Variants in LYRM4 observed in about 807,000 individuals in gnomAD.
LYRM4 encodes the protein LYR motif containing 4, also known as LYR motif-containing protein 4.
In LYRM4, 9 loss-of-function variants were observed where a neutral mutation model predicts 11.7. The observed-to-expected ratio is 0.77, with a 90% CI of 0.46 to 1.34. The LOEUF (loss-of-function observed/expected upper bound fraction) is 1.34, where lower values mean the gene tolerates loss of function less well. LYRM4 is among the 40% of genes most tolerant of loss of function. LYRM4 has a pLI of 0.00. For synonymous variants in LYRM4, 42 were observed against 40.4 expected (o/e 1.04, Z -0.15); for missense variants, 133 against 112.5 (o/e 1.18, Z -0.82).
chr6:5,215,460 T>C (rs1762222414), intron 2 of LYRM4, among the ~76,000 whole-genome samples: 1 of 152,228 alleles, frequency 6.6e-6, no homozygotes, highest in South Asian at 2.1e-4. Context: ...TAGTTAGAGA[T>C]CATTTCCTAG....
At chr6:5,175,498 G>T (rs1300209129) in intron 2 of LYRM4, among the ~76,000 whole-genome samples, 1 of 152,108 alleles carries the variant, frequency 6.6e-6, no homozygotes, top group African/African-American at 2.4e-5. Flanking sequence ...ACTGGATTGA[G>T]GAAGGGATGG....
chr6:5,114,003 C>T (rs1232045238), intron 2 of LYRM4, among the ~76,000 whole-genome samples: 7 of 152,230 alleles, frequency 4.6e-5, no homozygotes, highest in Admixed American at 4.6e-4. Flanking sequence ...GGGGTCAGTG[C>T]ACATCTAGAA....
rs58536562 is a variant in LYRM4, at chr6:5,163,498, C to CT, written c.207+53119dup. 6.9e-3 allele frequency among the ~76,000 whole-genome samples: 962 copies of CT among 139,246 alleles called. 3 individuals are homozygous for CT. Among genetic ancestry groups the CT allele is most frequent in the African/African-American group, 0.015 (580 of 38,302 alleles). 91.4% of individuals were successfully genotyped at this position (139,246 alleles called of 152,430 possible). A position where few individuals can be genotyped will look rare whatever the true frequency, so the allele number is the denominator to read the frequency against. On this transcript the variant is annotated intron_variant, in intron 2 of 2. Transcript: ENST00000330636. ...GCATCTGGTGGCAGAAGCATTCCAA[C>CT]TTTTTTTTTTTTTTTTTAAGAATTC...
the LYRM4 span, among the ~76,000 whole-genome samples, chr6:5,036,330 T>G: frequency 6.6e-6 from 1 of 152,186 alleles, no homozygotes; most frequent in African/African-American, 2.4e-5. Flanking sequence ...TCTTCCAGGT[T>G]AGCCTAGGAG....
intron 2 of LYRM4, among the ~76,000 whole-genome samples, chr6:5,150,124 C>T (rs1475221216): frequency 1.3e-5 from 2 of 152,176 alleles, no homozygotes; most frequent in Admixed American, 6.5e-5. Context: ...AGTAATGCAC[C>T]GCAGCCCATC....
intron 2 of LYRM4, among the ~76,000 whole-genome samples, chr6:5,129,797 G>C (rs1266275701): frequency 6.6e-6 from 1 of 152,194 alleles, no homozygotes; most frequent in African/African-American, 2.4e-5. Context: ...TGTGGAAAAT[G>C]TGAAAATGTA....
the LYRM4 span, among the ~76,000 whole-genome samples, chr6:5,069,722 G>T: frequency 6.6e-6 from 1 of 151,998 alleles, no homozygotes; most frequent in African/African-American, 2.4e-5. Context: ...CTCATGATCC[G>T]CCTGCCTCAG....
At chr6:5,066,048 T>C in the LYRM4 span, 1 of 389,992 alleles carries the variant, frequency 2.6e-6, no homozygotes, top group African/African-American at 2.1e-5. Flanking sequence ...TAATAGGTGT[T>C]AAGTTCTCGG....
chr6:5,040,316 AATAG>A, the LYRM4 span, among the ~76,000 whole-genome samples: 2,433 of 125,034 alleles, frequency 0.019, 64 homozygotes, highest in African/African-American at 0.066. Context: ...TATCTCTAAC[AATAG>A]ATAGATAGAT....
At chr6:5,254,297 C>G (rs893738383) in intron 1 of LYRM4, among the ~76,000 whole-genome samples, 5 of 152,120 alleles carry the variant, frequency 3.3e-5, no homozygotes, top group Non-Finnish European at 7.4e-5. Context: ...TGAAGCATCT[C>G]GACAACTTTT....
chr6:5,138,902 A>G (rs895583904), intron 2 of LYRM4, among the ~76,000 whole-genome samples: 1 of 152,230 alleles, frequency 6.6e-6, no homozygotes, highest in Non-Finnish European at 1.5e-5. Flanking sequence ...GCTCTTCACA[A>G]TCAGGTTAAT....
chr6:5,251,106 A>G (rs1004039177), intron 1 of LYRM4, among the ~76,000 whole-genome samples: 4 of 152,272 alleles, frequency 2.6e-5, no homozygotes, highest in African/African-American at 9.6e-5. Flanking sequence ...CCATACTACA[A>G]TCTTGTGACA....
intron 2 of LYRM4, among the ~76,000 whole-genome samples, chr6:5,129,633 C>T (rs1763856562): frequency 6.6e-6 from 1 of 152,178 alleles, no homozygotes; most frequent in South Asian, 2.1e-4. Flanking sequence ...CTCATTTGAT[C>T]ATACCTGTGA....
intron 1 of LYRM4, among the ~76,000 whole-genome samples, chr6:5,229,803 T>C (rs1763125557): frequency 6.6e-6 from 1 of 152,162 alleles, no homozygotes; most frequent in Non-Finnish European, 1.5e-5. Context: ...AAAAAATCAA[T>C]AAAATAATGG....
At chr6:5,202,163 A>C (rs578165377) in intron 2 of LYRM4, among the ~76,000 whole-genome samples, 13 of 152,384 alleles carry the variant, frequency 8.5e-5, no homozygotes, top group African/African-American at 2.6e-4. Context: ...AATTTTTATA[A>C]TGAATTTGTG....
chr6:5,100,943 C>T (rs1338135976), downstream of LYRM4, among the ~76,000 whole-genome samples: 1 of 152,236 alleles, frequency 6.6e-6, no homozygotes, highest in African/African-American at 2.4e-5. Context: ...ATCTGACCCA[C>T]ACAGACACTG....
the LYRM4 span, among the ~76,000 whole-genome samples, chr6:5,053,020 A>T: frequency 1.3e-5 from 2 of 152,332 alleles, no homozygotes; most frequent in Admixed American, 1.3e-4. Context: ...TAAAAAACAT[A>T]TTATGATTAT....
intron 2 of LYRM4, among the ~76,000 whole-genome samples, chr6:5,193,076 G>C (rs999183047): frequency 4.6e-5 from 7 of 152,146 alleles, no homozygotes; most frequent in African/African-American, 1.7e-4. Flanking sequence ...TTGGATTTCA[G>C]TTCAGTAGGC....
intron 2 of LYRM4, among the ~76,000 whole-genome samples, chr6:5,202,389 G>A (rs1450404486): frequency 6.6e-6 from 1 of 152,176 alleles, no homozygotes; most frequent in Non-Finnish European, 1.5e-5. Context: ...GTGGTTCCTG[G>A]ACTTGCCTTT....
Sources: gnomAD v4.1 joint callset for allele counts (sites outside exome capture counted in the v4.1 genomes callset) on GRCh38, gnomAD v4.1.1 for gene constraint, MANE v1.5 for transcripts, NCBI Gene and HGNC (gene_info 2026-07-23, HGNC 2026-07-21) for gene names.